The following PLA2G5 variants were observed in gnomAD, a reference collection of about 807,000 sequenced individuals.
The protein encoded by PLA2G5 is phospholipase A2 group V.
PLA2G5 carries 12 observed loss-of-function variants against 15.9 expected under a neutral mutation model. The observed-to-expected ratio is 0.76, with a 90% CI of 0.48 to 1.23. The LOEUF (loss-of-function observed/expected upper bound fraction) is 1.23. Among genes scored for constraint, PLA2G5 ranks in the 50% most tolerant of loss-of-function variants. PLA2G5 has a pLI of 0.00. For missense variants in PLA2G5, 169 were observed against 177.1 expected (o/e 0.95, Z 0.26); for synonymous variants, 71 against 71.4 (o/e 0.99, Z 0.03).
In PLA2G5 at chr1:20,089,895, G is replaced by T; in HGVS notation, c.292G>T (p.Glu98Ter). 2.5e-6 allele frequency: 4 copies of T among 1,608,996 alleles called. No individual in the cohort carries two copies. ...YRFAWGVVTC[E>*]PGPFCHVNLC... Reference sequence around the variant, plus strand: ...ATTCGCGTGGGGCGTGGTCACCTGCGGTAAGGCTGGGGCTTCCCGTTCGGG... The same window carrying T: ...ATTCGCGTGGGGCGTGGTCACCTGCTGTAAGGCTGGGGCTTCCCGTTCGGG... Residue 98 changes from glutamate (E) to a stop codon, truncating the protein, a stop_gained and splice_region_variant, in exon 4 of 5, where the codon GAG becomes TAG. Transcript: ENST00000375108. LOFTEE classifies it low-confidence loss of function (END_TRUNC).
chr1:20,071,983 C>T (rs640022), intron 1 of PLA2G5, among the ~76,000 whole-genome samples: 31,345 of 152,108 alleles, frequency 0.21, 3,761 homozygotes, highest in African/African-American at 0.32. Context: ...TGGTGCACAG[C>T]TGTAGTCCCA....
chr1:20,089,703 T>G, intron 3 of PLA2G5, 86 bp from the exon 4 acceptor site: 1 of 1,029,722 alleles, frequency 9.7e-7, no homozygotes, highest in Non-Finnish European at 1.5e-6. Flanking sequence ...TCTGCTAAAG[T>G]GACATGGTTG....
intron 1 of PLA2G5, among the ~76,000 whole-genome samples, chr1:20,078,919 C>T (rs560776158): frequency 6.6e-6 from 1 of 151,126 alleles, no homozygotes; most frequent in Admixed American, 6.6e-5. Context: ...CTAGCCTGGG[C>T]AACATGGTGG....
chr1:20,059,176 T>C (rs1466236364), intron 1 of PLA2G5, among the ~76,000 whole-genome samples: 1 of 146,506 alleles, frequency 6.8e-6, no homozygotes, highest in African/African-American at 2.5e-5. Flanking sequence ...CTCATGCCTA[T>C]AATCCCAGCA....
chr1:20,075,443 A>T (rs1466693772), intron 1 of PLA2G5, among the ~76,000 whole-genome samples: 3 of 152,224 alleles, frequency 2.0e-5, no homozygotes, highest in Non-Finnish European at 4.4e-5. Context: ...ATGTGCCTAA[A>T]CATCTACCGT....
intron 3 of PLA2G5, chr1:20,088,708 T>A (rs1177659139): frequency 1.3e-5 from 2 of 153,718 alleles, no homozygotes; most frequent in Non-Finnish European, 2.9e-5. Flanking sequence ...GGTTCCAGGA[T>A]CCCCGTGGAC....
At chr1:20,051,814 G>A (rs1258051001) in intron 1 of PLA2G5, among the ~76,000 whole-genome samples, 1 of 152,150 alleles carries the variant, frequency 6.6e-6, no homozygotes, top group Non-Finnish European at 1.5e-5. Context: ...CAGGGTTCCT[G>A]ACCTGAGGTA....
chr1:20,065,313 G>C (rs2014962313), upstream of PLA2G5, among the ~76,000 whole-genome samples: 1 of 152,126 alleles, frequency 6.6e-6, no homozygotes, highest in African/African-American at 2.4e-5. Flanking sequence ...TCACCTTTGT[G>C]ATGTGCAGTT....
chr1:20,085,921 A>G (rs762534374), intron 2 of PLA2G5, among the ~76,000 whole-genome samples, 162 bp from the exon 3 acceptor site: 2 of 152,134 alleles, frequency 1.3e-5, no homozygotes, highest in Admixed American at 6.6e-5. Flanking sequence ...CCAGTTCTCC[A>G]TACTGCTTGC....
intron 1 of PLA2G5, among the ~76,000 whole-genome samples, chr1:20,049,716 A>T (rs1372294639): frequency 6.6e-6 from 1 of 152,210 alleles, no homozygotes; most frequent in Admixed American, 6.5e-5. Context: ...CTCCCCAGCC[A>T]TATGGAACTG....
At position 20,090,796 on chromosome 1, in the gene PLA2G5, AC is replaced by A; in HGVS notation, c.*106del. 1 of 1,242,808 alleles carries A rather than the reference AC, an allele frequency of 8.0e-7. No individual in the cohort carries two copies. Among genetic ancestry groups the A allele is most frequent in the Non-Finnish European group, 1.2e-6 (1 of 859,502 alleles). 77.0% of individuals were successfully genotyped at this position (1,242,808 alleles called of 1,614,324 possible). A position where few individuals can be genotyped will look rare whatever the true frequency, so the allele number is the denominator to read the frequency against. On this transcript the variant is annotated 3_prime_UTR_variant, in exon 5 of 5. Transcript: ENST00000375108. ...CCTGAGAGAGGCTCCTAAGTCACAG[AC>A]CTCAGTCTTTCTCGAAGCTTGGCGG... is the stretch of plus-strand genomic sequence containing the variant.
chr1:20,076,534 T>A (rs2015690724), intron 1 of PLA2G5, among the ~76,000 whole-genome samples: 1 of 152,134 alleles, frequency 6.6e-6, no homozygotes, highest in Non-Finnish European at 1.5e-5. Flanking sequence ...CGATTCTGGG[T>A]CCTCCTTTTA....
chr1:20,042,251 G>A (rs1201870795), intron 1 of PLA2G5, among the ~76,000 whole-genome samples: 1 of 152,178 alleles, frequency 6.6e-6, no homozygotes, highest in Non-Finnish European at 1.5e-5. Flanking sequence ...CTATGCTGGT[G>A]AGTGGAGATT....
rs1189193064 is a variant in PLA2G5, at chr1:20,036,778, G to A, written n.276+8069G>A. On this transcript the variant is annotated intron_variant and non_coding_transcript_variant, in intron 1 of 6. Transcript: ENST00000460175. The stretch of plus-strand genomic sequence containing the variant: ...CCTCCTGGGTTCAAGTGATTTTCCT[G>A]CCTCAGCCTCTGGAGTAGCTGGGAT... Among the ~76,000 whole-genome samples, 3 of 152,218 alleles carry A rather than the reference G, an allele frequency of 2.0e-5. No individual in the cohort carries two copies. The East Asian group carries it at 5.8e-4, about 29-fold the overall frequency.
chr1:20,078,828 G>A (rs927893618), intron 1 of PLA2G5, among the ~76,000 whole-genome samples: 2 of 152,022 alleles, frequency 1.3e-5, no homozygotes, highest in African/African-American at 2.4e-5. Flanking sequence ...AGTCTTTGGC[G>A]GGGTACAGTG....
intron 1 of PLA2G5, among the ~76,000 whole-genome samples, chr1:20,044,263 T>A (rs1249496460): frequency 6.6e-6 from 1 of 152,198 alleles, no homozygotes; most frequent in Non-Finnish European, 1.5e-5. Context: ...GCTGGGTTTT[T>A]TCTCACAGCA....
upstream of PLA2G5, among the ~76,000 whole-genome samples, chr1:20,066,335 T>C (rs79397991): frequency 0.014 from 2,091 of 152,358 alleles, 21 homozygotes; most frequent in Non-Finnish European, 0.022. Flanking sequence ...TTATCAGATA[T>C]GTGTTTTGGA....
upstream of PLA2G5, among the ~76,000 whole-genome samples, chr1:20,065,495 A>G (rs1447992969): frequency 6.6e-6 from 1 of 152,196 alleles, no homozygotes; most frequent in East Asian, 1.9e-4. Context: ...TTATTCCAGA[A>G]TGTCATATAG....
At chr1:20,042,085 G>A (rs2013630662) in intron 1 of PLA2G5, among the ~76,000 whole-genome samples, 1 of 152,174 alleles carries the variant, frequency 6.6e-6, no homozygotes, top group Non-Finnish European at 1.5e-5. Context: ...GGATATAGGA[G>A]GCATATTTAG....
Sources: allele counts gnomAD v4.1 joint callset (sites outside exome capture counted in the v4.1 genomes callset), GRCh38; gene constraint gnomAD v4.1.1; transcripts MANE v1.5; gene names NCBI Gene and HGNC (gene_info 2026-07-23, HGNC 2026-07-21).